The following ABCC2 variants were observed in gnomAD, a reference collection of about 807,000 sequenced individuals.
The protein encoded by ABCC2 is ATP binding cassette subfamily C member 2.
In ABCC2, 157 loss-of-function variants were observed where a neutral mutation model predicts 173.4. The ratio of observed to expected loss-of-function variants is 0.91; its 90% CI spans 0.80 to 1.03. The LOEUF (loss-of-function observed/expected upper bound fraction) is 1.03, where lower values mean the gene tolerates loss of function less well. Among genes scored for constraint, ABCC2 ranks in the 50% least tolerant of loss-of-function variants. The pLI, the probability that ABCC2 is intolerant of heterozygous loss-of-function variation, is 0.00. For missense variants in ABCC2, 1,822 were observed against 1,852.3 expected (o/e 0.98, Z 0.30); for synonymous variants, 657 against 693.5 (o/e 0.95, Z 0.83).
rs1183047323 is a variant in ABCC2 at position 99,784,759 on chromosome 10, C to G, written c.185C>G (p.Thr62Ser). 1.2e-6 allele frequency: 2 copies of G among 1,614,138 alleles called. No individual in the cohort carries two copies. The highest frequency in any genetic ancestry group is 3.3e-5 in the Admixed American group (2 of 60,024). The part of the protein sequence containing the change: ...YKSRTKRSST[T>S]KLYLAKQVFV... ...TCCAGGACCAAGAGATCCTCTACCA[C>G]CAAACTCTATCTTGCTAAGCAGGTA... The change falls in exon 2 of 32, where the codon ACC (threonine) becomes AGC (serine). Residue 62 changes from threonine to serine, a missense_variant. Coordinates refer to ENST00000647814, the MANE Select transcript of ABCC2 (RefSeq NM_000392.5).
intron 23 of ABCC2, among the ~76,000 whole-genome samples, chr10:99,832,981 C>A (rs562818159): frequency 1.8e-4 from 28 of 152,188 alleles, no homozygotes; most frequent in Non-Finnish European, 3.5e-4. Flanking sequence ...AGGCAGAGAT[C>A]AGGCAATTCT....
intron 31 of ABCC2, 22 bp from the exon 32 acceptor site, chr10:99,851,480 A>T: frequency 6.2e-7 from 1 of 1,613,890 alleles, no homozygotes; most frequent in Non-Finnish European, 8.5e-7. Flanking sequence ...TAAGACTTTT[A>T]TTTCTTTCTT....
chr10:99,848,521 G>A (rs1176852854), intron 30 of ABCC2, among the ~76,000 whole-genome samples: 1 of 152,200 alleles, frequency 6.6e-6, no homozygotes, highest in East Asian at 1.9e-4. Flanking sequence ...GGAAGGAAGG[G>A]AGGGCTCAGT....
intron 2 of ABCC2, chr10:99,788,514 G>A (rs1478664830): frequency 1.3e-5 from 2 of 152,250 alleles, no homozygotes; most frequent in African/African-American, 4.8e-5. Flanking sequence ...GAAAAAGGAA[G>A]AATTCCGCCA....
chr10:99,835,651 C>G (rs2038808588), intron 24 of ABCC2, among the ~76,000 whole-genome samples: 1 of 152,152 alleles, frequency 6.6e-6, no homozygotes, highest in Non-Finnish European at 1.5e-5. Context: ...CAAACCTAGG[C>G]ATGCCTTTTT....
intron 25 of ABCC2, among the ~76,000 whole-genome samples, chr10:99,841,368 C>T (rs886068517): frequency 6.6e-6 from 1 of 152,048 alleles, no homozygotes; most frequent in South Asian, 2.1e-4. Context: ...GCTTGGGCAA[C>T]ATGATGAAAT....
chr10:99,795,967 T>C (rs1007967608), intron 6 of ABCC2, among the ~76,000 whole-genome samples: 1 of 152,170 alleles, frequency 6.6e-6, no homozygotes, highest in African/African-American at 2.4e-5. Flanking sequence ...GCTCTGTCAC[T>C]GAACTCCAGC....
chr10:99,803,599 T>G (rs1430436329), intron 9 of ABCC2, among the ~76,000 whole-genome samples: 3 of 152,138 alleles, frequency 2.0e-5, no homozygotes, highest in Admixed American at 1.3e-4. Context: ...TTACATCTAG[T>G]GGAGAAACAG....
In ABCC2 at chr10:99,797,155, G is replaced by A; in HGVS notation, c.691G>A (p.Glu231Lys). Residue 231 changes from glutamate to lysine, a missense_variant, in exon 7 of 32, where the codon GAA (glutamate) becomes AAA (lysine). Transcript: ENST00000647814. ...LTLEDVWEVD[E>K]EMKTKTLVSK... ...ACTCGAGGATGTCTGGGAAGTTGAT[G>A]AAGAGATGAAAACCAAGACATTAGT... 6.2e-7 allele frequency: 1 copy of A among 1,614,170 alleles called. No homozygotes were observed. Among genetic ancestry groups the A allele is most frequent in the Non-Finnish European group, 8.5e-7 (1 of 1,180,022 alleles).
At chr10:99,814,029 T>A (rs901901078) in intron 16 of ABCC2, among the ~76,000 whole-genome samples, 2 of 151,288 alleles carry the variant, frequency 1.3e-5, no homozygotes, top group South Asian at 4.2e-4. Flanking sequence ...AAAATAAAAA[T>A]CTGGTGTAGG....
chr10:99,842,711 A>G (rs1404950989), intron 26 of ABCC2, among the ~76,000 whole-genome samples: 2 of 152,150 alleles, frequency 1.3e-5, no homozygotes, highest in African/African-American at 2.4e-5. Context: ...AGAGATTTGC[A>G]TAGTTACATG....
chr10:99,814,826 CAG>C (rs550979628), intron 16 of ABCC2, among the ~76,000 whole-genome samples: 65 of 147,584 alleles, frequency 4.4e-4, no homozygotes, highest in African/African-American at 1.6e-3. Flanking sequence ...TATTTTGAGA[CAG>C]AGTCTCACTC....
chr10:99,787,040 C>A (rs1208365137), intron 2 of ABCC2, among the ~76,000 whole-genome samples: 1 of 150,846 alleles, frequency 6.6e-6, no homozygotes. Flanking sequence ...CAGTGGCACA[C>A]ACCTGTAACC....
intron 2 of ABCC2, among the ~76,000 whole-genome samples, chr10:99,789,704 C>T (rs1315586722): frequency 3.0e-5 from 3 of 100,418 alleles, no homozygotes; most frequent in Admixed American, 2.5e-4. Flanking sequence ...AGCGAAACTC[C>T]GTCTCAAAAA....
At chr10:99,805,302 T>G in intron 10 of ABCC2, 80 bp from the exon 11 acceptor site, 3 of 1,276,910 alleles carry the variant, frequency 2.3e-6, no homozygotes, top group Non-Finnish European at 3.4e-6. Flanking sequence ...AAAGTAGCAG[T>G]GAGGCCTGAT....
intron 23 of ABCC2, among the ~76,000 whole-genome samples, chr10:99,833,018 A>G (rs983171183): frequency 1.3e-5 from 2 of 152,220 alleles, no homozygotes; most frequent in Non-Finnish European, 2.9e-5. Context: ...TCACCAGCAC[A>G]GTTTTTAGCC....
chr10:99,814,309 G>GTA (rs144756612), intron 16 of ABCC2, among the ~76,000 whole-genome samples: 16,483 of 43,470 alleles, frequency 0.38, 3,985 homozygotes, highest in African/African-American at 0.53. Flanking sequence ...ATACACACAT[G>GTA]TATATACACA....
intron 30 of ABCC2, among the ~76,000 whole-genome samples, chr10:99,848,448 C>T (rs375674043): frequency 6.7e-4 from 102 of 152,342 alleles, no homozygotes; most frequent in African/African-American, 2.0e-3. Context: ...ACAGGTCTTG[C>T]TCCTGCCCCA....
In ABCC2 at chr10:99,813,111, A is replaced by G. The variant is rs1436191978; in HGVS notation, c.2061A>G (p.Glu687=). ...CCTTGATATCAGCCATGCTGGGAGA[A>G]ATGGAAAATGTCCACGGGCACATCA... ...KSSLISAMLG[E]MENVHGHITI... Residue 687 remains glutamate, a synonymous_variant, in exon 16 of 32, where the codon GAA becomes GAG. Coordinates refer to ENST00000647814, the MANE Select transcript of ABCC2 (RefSeq NM_000392.5). 1 of 1,613,902 alleles carries G rather than the reference A, an allele frequency of 6.2e-7. No individual in the cohort carries two copies. Among genetic ancestry groups the G allele is most frequent in the Non-Finnish European group, 8.5e-7 (1 of 1,179,904 alleles).
Sources: gnomAD v4.1 joint callset for allele counts (sites outside exome capture counted in the v4.1 genomes callset) on GRCh38, gnomAD v4.1.1 for gene constraint, MANE v1.5 for transcripts, NCBI Gene and HGNC (gene_info 2026-07-23, HGNC 2026-07-21) for gene names.